Variants in KAZN observed in about 807,000 individuals in gnomAD.
KAZN encodes kazrin, periplakin interacting protein, also known as kazrin.
KAZN carries 40 observed loss-of-function variants against 87.4 expected under a neutral mutation model. That is an observed-to-expected ratio of 0.46 (90% confidence interval 0.36 to 0.60). The LOEUF (loss-of-function observed/expected upper bound fraction) is 0.60. Ranked by LOEUF, KAZN falls within the 20% of genes least tolerant of loss-of-function variation. KAZN has a pLI of 0.00. For synonymous variants in KAZN, 466 were observed against 458.3 expected (o/e 1.02, Z -0.22); for missense variants, 898 against 1,073.9 (o/e 0.84, Z 2.29).
chr1:14,879,806 G>T (rs1653152160), intron 1 of KAZN, among the ~76,000 whole-genome samples: 1 of 152,152 alleles, frequency 6.6e-6, no homozygotes, highest in East Asian at 1.9e-4. Flanking sequence ...GTTCAATCTT[G>T]TCATCATGGA....
intron 2 of KAZN, among the ~76,000 whole-genome samples, chr1:14,487,100 A>G (rs1005317233): frequency 6.6e-6 from 1 of 152,306 alleles, no homozygotes. Flanking sequence ...ACGTTAGGAC[A>G]CTGGACTAAA....
At chr1:14,914,550 T>A (rs1276747729) in intron 1 of KAZN, among the ~76,000 whole-genome samples, 2 of 152,192 alleles carry the variant, frequency 1.3e-5, no homozygotes, top group Non-Finnish European at 2.9e-5. Context: ...ACTTTAAGCC[T>A]TAAAGGGACA....
chr1:15,088,692 T>C (rs998774649), intron 8 of KAZN, among the ~76,000 whole-genome samples: 2 of 151,804 alleles, frequency 1.3e-5, no homozygotes, highest in African/African-American at 2.4e-5. Flanking sequence ...CTTTAATTAA[T>C]GGTTTATGAC....
chr1:14,551,123 C>T (rs1673490867), intron 2 of KAZN, among the ~76,000 whole-genome samples: 1 of 152,092 alleles, frequency 6.6e-6, no homozygotes, highest in African/African-American at 2.4e-5. Flanking sequence ...AAACGTGAGG[C>T]CCCATAGATC....
At chr1:15,027,128 C>G (rs6694517) in intron 2 of KAZN, among the ~76,000 whole-genome samples, 70,505 of 132,260 alleles carry the variant, frequency 0.53, 19,219 homozygotes, top group African/African-American at 0.63. Flanking sequence ...GTCGCCCAGG[C>G]TGGAGTGCAG....
intron 2 of KAZN, among the ~76,000 whole-genome samples, chr1:15,007,936 C>G (rs6665438): frequency 0.29 from 44,299 of 152,156 alleles, 6,596 homozygotes; most frequent in African/African-American, 0.33. Flanking sequence ...CGTGCCGTCA[C>G]CCAGCCTTGG....
intron 2 of KAZN, among the ~76,000 whole-genome samples, chr1:15,005,009 G>A (rs753980232): frequency 4.6e-5 from 7 of 152,136 alleles, no homozygotes; most frequent in Non-Finnish European, 8.8e-5. Context: ...AGGTAAATAC[G>A]CCCAGGTTGC....
chr1:14,717,982 C>A (rs1642888611), intron 1 of KAZN, among the ~76,000 whole-genome samples: 1 of 152,204 alleles, frequency 6.6e-6, no homozygotes. Flanking sequence ...GGTCAGAGGC[C>A]ATCAAGAGGG....
At chr1:14,270,802 C>G (rs549374478) in intron 2 of KAZN, among the ~76,000 whole-genome samples, 1 of 152,246 alleles carries the variant, frequency 6.6e-6, no homozygotes, top group East Asian at 1.9e-4. Context: ...TCATAAGGCA[C>G]TAATATACTT....
chr1:15,104,510 G>A, intron 13 of KAZN, among the ~76,000 whole-genome samples: 1 of 152,232 alleles, frequency 6.6e-6, no homozygotes, highest in East Asian at 1.9e-4. Flanking sequence ...ACGTGCAGGT[G>A]GAGTGTAGCT....
chr1:14,652,498 C>T (rs1437673711), intron 1 of KAZN, among the ~76,000 whole-genome samples: 3 of 35,926 alleles, frequency 8.4e-5, no homozygotes, highest in Non-Finnish European at 1.5e-4. Context: ...CACCTATCCA[C>T]CTATCTACCT....
intron 4 of KAZN, 110 bp downstream of exon 4, chr1:15,044,269 G>GGGGGGGGGGC: frequency 2.4e-6 from 1 of 419,796 alleles, no homozygotes; most frequent in Non-Finnish European, 4.1e-6. Flanking sequence ...GGGTGGGTGG[G>GGGGGGGGGGC]GCAGAGCAGA....
intron 1 of KAZN, among the ~76,000 whole-genome samples, chr1:14,639,064 C>T (rs897399806): frequency 1.3e-5 from 2 of 152,190 alleles, no homozygotes; most frequent in Admixed American, 6.5e-5. Flanking sequence ...TTGCCTCAGT[C>T]CCTGAAACGC....
chr1:14,699,375 G>A, intron 1 of KAZN, among the ~76,000 whole-genome samples: 1 of 152,208 alleles, frequency 6.6e-6, no homozygotes, highest in South Asian at 2.1e-4. Context: ...AGGCTCAAAA[G>A]AAAGAGCTTA....
intron 2 of KAZN, among the ~76,000 whole-genome samples, chr1:14,592,347 G>T (rs559689347): frequency 2.6e-5 from 4 of 152,134 alleles, no homozygotes; most frequent in Non-Finnish European, 5.9e-5. Context: ...GGCTCAAAAG[G>T]CTCCTGGCAT....
rs988576440 is a variant in KAZN at position 14,773,839 on chromosome 1, C to T, written c.226+174616C>T. 6.6e-6 allele frequency among the ~76,000 whole-genome samples: 1 copy of T among 152,302 alleles called. No individual in the cohort carries two copies. The highest frequency in any genetic ancestry group is 1.5e-5 in the Non-Finnish European group (1 of 68,016). ...GCCAGGCCTGCTCTCCTCCCCTCCC[C>T]TCCAAAGAAAACACCATCTTTCCAG... is the stretch of plus-strand genomic sequence containing the variant. On this transcript the variant is annotated intron_variant, in intron 1 of 14. Coordinates refer to ENST00000376030, the MANE Select transcript of KAZN (RefSeq NM_201628.3). This position sits in a 1 kb window ranked among gnomAD's most constrained non-coding sequence, Gnocchi z 5.9.
chr1:14,197,443 C>A (rs1435539641), intron 2 of KAZN, among the ~76,000 whole-genome samples: 2 of 146,982 alleles, frequency 1.4e-5, no homozygotes, highest in African/African-American at 5.1e-5. Flanking sequence ...AATCCCAGCA[C>A]TTTGGGAGGT....
intron 1 of KAZN, among the ~76,000 whole-genome samples, chr1:14,952,569 T>C (rs1167256344): frequency 2.0e-5 from 3 of 152,080 alleles, no homozygotes; most frequent in African/African-American, 7.3e-5. Context: ...TTCAGTGAGT[T>C]TTGATATTTG....
chr1:14,262,926 C>G (rs1356414804), intron 2 of KAZN, among the ~76,000 whole-genome samples: 2 of 152,232 alleles, frequency 1.3e-5, no homozygotes, highest in Non-Finnish European at 2.9e-5. Context: ...TTCTCCACAA[C>G]CTCTGTATAA....
Sources: gnomAD v4.1 joint callset for allele counts (sites outside exome capture counted in the v4.1 genomes callset) on GRCh38, gnomAD v4.1.1 for gene constraint, Gnocchi (gnomAD v3.1) non-coding constraint, MANE v1.5 for transcripts, NCBI Gene and HGNC (gene_info 2026-07-23, HGNC 2026-07-21) for gene names.